CSTF3: variants seen among roughly 807,000 people sequenced by gnomAD.
CSTF3 encodes the protein CF-1 77 kDa subunit.
In CSTF3, 29 loss-of-function variants were observed where a neutral mutation model predicts 105.8. The observed-to-expected ratio is 0.27, with a 90% CI of 0.20 to 0.37. CSTF3 has a LOEUF of 0.37. CSTF3 is among the 10% of genes least tolerant of loss of function. The pLI is 1.00. For missense variants in CSTF3, 357 were observed against 879.3 expected (o/e 0.41, Z 7.51); for synonymous variants, 252 against 281.9 (o/e 0.89, Z 1.06).
rs551764719 is a variant in CSTF3 at position 33,119,211 on chromosome 11, C to T, written c.226-10793G>A. Reference sequence around the variant, plus strand: ...AATTGTATTATCACTGGACAAAAGCCTTTAGTCATTTCCTCTACTTGAGAT... The same window carrying T: ...AATTGTATTATCACTGGACAAAAGCTTTTAGTCATTTCCTCTACTTGAGAT... On this transcript the variant is annotated intron_variant, in intron 3 of 20. Transcript: ENST00000323959. 5.3e-5 allele frequency among the ~76,000 whole-genome samples: 8 copies of T among 151,860 alleles called. No homozygotes were observed. In the South Asian group the frequency reaches 1.7e-3, roughly 31 times the overall value.
intron 17 of CSTF3, among the ~76,000 whole-genome samples, chr11:33,087,835 A>G (rs528974000): frequency 5.3e-5 from 8 of 152,328 alleles, no homozygotes; most frequent in South Asian, 4.1e-4. Flanking sequence ...TCTGACCTCA[A>G]ATCCATCCAC....
intron 3 of CSTF3, among the ~76,000 whole-genome samples, chr11:33,128,119 T>C (rs1403079398): frequency 6.6e-6 from 1 of 152,168 alleles, no homozygotes; most frequent in Non-Finnish European, 1.5e-5. Flanking sequence ...AAACAAATTT[T>C]ACTCATGGTA....
intron 3 of CSTF3, among the ~76,000 whole-genome samples, chr11:33,125,662 T>A (rs1013999782): frequency 6.6e-6 from 1 of 152,164 alleles, no homozygotes; most frequent in Non-Finnish European, 1.5e-5. Context: ...TCATCCTGAG[T>A]GTAGCTTTTG....
chr11:33,111,979 C>A (rs1855383818), intron 3 of CSTF3, among the ~76,000 whole-genome samples: 1 of 152,188 alleles, frequency 6.6e-6, no homozygotes, highest in African/African-American at 2.4e-5. Context: ...ATTGGCCAGG[C>A]ACAGTGGCTC....
At chr11:33,101,762 C>A (rs970229748) in intron 10 of CSTF3, among the ~76,000 whole-genome samples, 1 of 152,028 alleles carries the variant, frequency 6.6e-6, no homozygotes, top group Non-Finnish European at 1.5e-5. Context: ...AAAATAAACT[C>A]CATGGTGGTT....
Position 33,085,299 on chromosome 11 carries a change from C to CA in CSTF3, c.1952-11dup. 1.3e-6 allele frequency: 2 copies of CA among 1,521,724 alleles called. No homozygotes were observed. Among genetic ancestry groups the CA allele is most frequent in the Non-Finnish European group, 1.8e-6 (2 of 1,137,448 alleles). 94.3% of individuals were successfully genotyped at this position (1,521,724 alleles called of 1,614,324 possible). On this transcript the variant is annotated splice_polypyrimidine_tract_variant and intron_variant, in intron 20 of 20. Transcript: ENST00000323959. ...ACAGCTTCCTCAACAGCTATTAAAA[C>CA]AAAACAACAAAACGTAAAAACATAT...
chr11:33,136,253 C>G (rs926364841), intron 3 of CSTF3: 1 of 152,182 alleles, frequency 6.6e-6, no homozygotes, highest in Non-Finnish European at 1.5e-5. Context: ...AGACTTCAAC[C>G]TATTATGCCA....
intron 16 of CSTF3, 86 bp from the exon 17 acceptor site, chr11:33,090,813 C>A: frequency 1.3e-6 from 1 of 785,798 alleles, no homozygotes; most frequent in South Asian, 3.0e-5. Context: ...TAAGCTCTCT[C>A]TTTTTCCCTT....
intron 1 of CSTF3, among the ~76,000 whole-genome samples, chr11:33,143,899 A>G (rs1174840632): frequency 2.0e-5 from 3 of 152,066 alleles, no homozygotes. Flanking sequence ...CTAAAGCAGG[A>G]GAATGGCGTG....
At chr11:33,102,970 C>T (rs1855294284) in intron 9 of CSTF3, 137 bp downstream of exon 9, 2 of 545,652 alleles carry the variant, frequency 3.7e-6, no homozygotes, top group Non-Finnish European at 6.5e-6. Flanking sequence ...AATATGTCAT[C>T]TCCTCAGACT....
intron 1 of CSTF3, among the ~76,000 whole-genome samples, chr11:33,143,323 T>C (rs1855736885): frequency 1.3e-5 from 2 of 152,188 alleles, no homozygotes; most frequent in South Asian, 4.1e-4. Flanking sequence ...ATTATAGAAA[T>C]TTAATTTTTG....
In CSTF3 at chr11:33,084,920, T is replaced by G. The variant is rs1050510327; in HGVS notation, c.*167A>C. ...CATAGGTCTGTTCCGTATTCTAAAA[T>G]TCACACAGGTTGGTTTGTTTTTTCT... On this transcript the variant is annotated 3_prime_UTR_variant, in exon 21 of 21. Coordinates refer to ENST00000323959, the MANE Select transcript of CSTF3 (RefSeq NM_001326.3). 4.1e-6 allele frequency: 3 copies of G among 740,138 alleles called. No individual in the cohort carries two copies. The African/African-American group carries it at 5.3e-5, about 13-fold the overall frequency. 45.8% of individuals were successfully genotyped at this position (740,138 alleles called of 1,614,324 possible). A position where few individuals can be genotyped will look rare whatever the true frequency, so the allele number is the denominator to read the frequency against.
At chr11:33,085,600 C>T in intron 20 of CSTF3, 113 bp downstream of exon 20, 1 of 966,446 alleles carries the variant, frequency 1.0e-6, no homozygotes, top group Non-Finnish European at 1.6e-6. Context: ...TTTCACTGCA[C>T]TTCAAATTGG....
intron 3 of CSTF3, among the ~76,000 whole-genome samples, chr11:33,110,430 C>A (rs1220405551): frequency 6.6e-6 from 1 of 152,168 alleles, no homozygotes; most frequent in East Asian, 1.9e-4. Flanking sequence ...TTCCCTAGGC[C>A]CTCTACTGGG....
chr11:33,127,821 A>G (rs1027311879), intron 3 of CSTF3, among the ~76,000 whole-genome samples: 79 of 152,316 alleles, frequency 5.2e-4, no homozygotes, highest in African/African-American at 1.8e-3. Context: ...GGTTCTGTTT[A>G]AAACTAAGTT....
intron 1 of CSTF3, 50 bp downstream of exon 1, chr11:33,161,249 C>G (rs1849938327): frequency 1.2e-6 from 2 of 1,608,018 alleles, no homozygotes; most frequent in Admixed American, 1.7e-5. Flanking sequence ...GTCGGAGGAA[C>G]AGACGTGGAG....
At chr11:33,150,219 T>TAAAAAAAAAAAAAAAAAAAAACA in intron 1 of CSTF3, among the ~76,000 whole-genome samples, 1 of 104,400 alleles carries the variant, frequency 9.6e-6, no homozygotes, top group Non-Finnish European at 1.9e-5. Flanking sequence ...TGTCTCAAAC[T>TAAAAAAAAAAAAAAAAAAAAACA]AAAAAAAAAA....
chr11:33,117,307 A>G (rs764857809), intron 3 of CSTF3, among the ~76,000 whole-genome samples: 2 of 152,022 alleles, frequency 1.3e-5, no homozygotes, highest in Admixed American at 6.6e-5. Flanking sequence ...GATGAACATT[A>G]TAAGAAAAAG....
chr11:33,123,696 A>G (rs1855515639), intron 3 of CSTF3, among the ~76,000 whole-genome samples: 4 of 152,094 alleles, frequency 2.6e-5, no homozygotes, highest in Admixed American at 6.6e-5. Flanking sequence ...TCTTAATAAA[A>G]AAAAGGTGCA....
Sources: allele counts gnomAD v4.1 joint callset (sites outside exome capture counted in the v4.1 genomes callset), GRCh38; gene constraint gnomAD v4.1.1; transcripts MANE v1.5; gene names NCBI Gene and HGNC (gene_info 2026-07-23, HGNC 2026-07-21).